FOXP1: variants seen among roughly 807,000 people sequenced by gnomAD.
The protein encoded by FOXP1 is forkhead box protein P1.
A neutral mutation model predicts 98.2 loss-of-function variants in FOXP1; 15 were observed. That is an observed-to-expected ratio of 0.15 (90% CI 0.10 to 0.24). The LOEUF (loss-of-function observed/expected upper bound fraction) is 0.24. Among genes scored for constraint, FOXP1 ranks in the 10% least tolerant of loss-of-function variants. The pLI, the probability that FOXP1 is intolerant of heterozygous loss-of-function variation, is 1.00. For missense variants in FOXP1, 633 were observed against 848.5 expected, an observed-to-expected ratio of 0.75 and a Z score of 3.15; for synonymous variants, 371 against 314.5, an observed-to-expected ratio of 1.18 and a Z score of -1.90.
At chr3:71,495,435 A>G (rs1365287089) in intron 2 of FOXP1, among the ~76,000 whole-genome samples, 1 of 152,194 alleles carries the variant, frequency 6.6e-6, no homozygotes, top group Non-Finnish European at 1.5e-5. Flanking sequence ...ATGCTCCAAA[A>G]TTTCAGAAAA....
chr3:71,480,531 G>A (rs1166124736), intron 3 of FOXP1, among the ~76,000 whole-genome samples: 3 of 152,152 alleles, frequency 2.0e-5, no homozygotes, highest in African/African-American at 4.8e-5. Context: ...AAAAAGAAGT[G>A]CCCTTAAGTG....
intron 4 of FOXP1, among the ~76,000 whole-genome samples, chr3:71,353,553 G>A (rs757976120): frequency 1.3e-5 from 2 of 151,970 alleles, no homozygotes; most frequent in African/African-American, 2.4e-5. Flanking sequence ...AAGGATATTA[G>A]TAACCACGTT....
At chr3:71,563,619 C>G (rs780597307) in intron 2 of FOXP1, among the ~76,000 whole-genome samples, 5 of 152,148 alleles carry the variant, frequency 3.3e-5, no homozygotes, top group Non-Finnish European at 7.3e-5. Flanking sequence ...AGTCTTGGGT[C>G]TTCAATATGT....
intron 10 of FOXP1, among the ~76,000 whole-genome samples, chr3:71,046,134 C>G (rs2049008166): frequency 6.6e-6 from 1 of 152,150 alleles, no homozygotes; most frequent in African/African-American, 2.4e-5. Flanking sequence ...ACCTTCCTTT[C>G]TAGTTCTGAA....
chr3:71,043,819 A>G (rs1416453732), intron 10 of FOXP1, among the ~76,000 whole-genome samples: 2 of 152,218 alleles, frequency 1.3e-5, no homozygotes, highest in African/African-American at 2.4e-5. Flanking sequence ...TCCAGCAAAT[A>G]AAGACAAAGA....
chr3:71,147,158 A>G (rs1238899166), intron 6 of FOXP1, among the ~76,000 whole-genome samples: 1 of 152,228 alleles, frequency 6.6e-6, no homozygotes, highest in Non-Finnish European at 1.5e-5. Flanking sequence ...CCAAGTAGGC[A>G]CAATTTTCCT....
chr3:71,309,401 T>A (rs972000853), intron 4 of FOXP1, among the ~76,000 whole-genome samples: 5 of 152,160 alleles, frequency 3.3e-5, no homozygotes, highest in Non-Finnish European at 2.9e-5. Flanking sequence ...AATTTTTTTT[T>A]TTTTTCTGAG....
At chr3:71,442,645 A>G (rs989430948) in intron 3 of FOXP1, among the ~76,000 whole-genome samples, 2 of 151,904 alleles carry the variant, frequency 1.3e-5, no homozygotes, top group Admixed American at 6.6e-5. Flanking sequence ...CCTCCATTCC[A>G]TGGTCTTGGT....
chr3:71,474,426 G>C (rs867102313), intron 3 of FOXP1, among the ~76,000 whole-genome samples: 4 of 152,126 alleles, frequency 2.6e-5, no homozygotes, highest in Admixed American at 6.5e-5. Context: ...CCTAGTTCAG[G>C]GGTCCCCAGT....
intron 11 of FOXP1, among the ~76,000 whole-genome samples, chr3:71,033,511 G>A (rs2047146029): frequency 6.7e-6 from 1 of 149,752 alleles, no homozygotes; most frequent in Non-Finnish European, 1.5e-5. Context: ...CTGTGTTATG[G>A]TAAAAGGCAC....
rs541498274 is a variant in FOXP1, at chr3:71,129,142, C to T, written c.181-16505G>A. ...TAGACTAAGATACCAAGAAAAGCAG[C>T]CCACTGTTCCCACACTGAGTTTTCG... On this transcript the variant is annotated intron_variant, in intron 6 of 20. Coordinates refer to ENST00000649528, the MANE Select transcript of FOXP1 (RefSeq NM_001349338.3). Among the ~76,000 whole-genome samples the T allele has an allele frequency of 2.0e-5, 3 of 152,250 alleles. No individual in the cohort carries two copies. In the South Asian group the frequency reaches 6.2e-4, roughly 32 times the overall value.
intron 10 of FOXP1, 114 bp from the exon 11 acceptor site, chr3:71,041,646 G>A: frequency 9.8e-7 from 1 of 1,023,694 alleles, no homozygotes; most frequent in Non-Finnish European, 1.5e-6. Context: ...GGGTTTTTCG[G>A]TGTGTGCAGT....
chr3:71,043,596 T>C (rs1431785769), intron 10 of FOXP1, among the ~76,000 whole-genome samples: 1 of 152,160 alleles, frequency 6.6e-6, no homozygotes, highest in Non-Finnish European at 1.5e-5. Flanking sequence ...CATACTGATA[T>C]AAAACCACAC....
At chr3:71,248,361 C>A (rs1195697297) in intron 5 of FOXP1, among the ~76,000 whole-genome samples, 3 of 152,112 alleles carry the variant, frequency 2.0e-5, no homozygotes, top group Non-Finnish European at 2.9e-5. Flanking sequence ...TCTCTTCCTG[C>A]TAATAATGGA....
At chr3:71,550,244 G>A (rs146867656) in intron 2 of FOXP1, among the ~76,000 whole-genome samples, 3 of 152,238 alleles carry the variant, frequency 2.0e-5, no homozygotes, top group African/African-American at 7.2e-5. Context: ...CAAGTAAAAC[G>A]ATTATAAATC....
chr3:70,960,435 G>C (rs550993713), intron 20 of FOXP1, among the ~76,000 whole-genome samples: 1 of 152,322 alleles, frequency 6.6e-6, no homozygotes, highest in South Asian at 2.1e-4. Flanking sequence ...GGGGACTGGG[G>C]TGATCACACA....
At chr3:71,473,608 G>A (rs1000227043) in intron 3 of FOXP1, among the ~76,000 whole-genome samples, 4 of 151,370 alleles carry the variant, frequency 2.6e-5, no homozygotes, top group African/African-American at 9.7e-5. Context: ...ATGTATAACT[G>A]CCCGCCACCT....
intron 3 of FOXP1, among the ~76,000 whole-genome samples, chr3:71,416,808 C>G (rs531733124): frequency 1.3e-5 from 2 of 150,844 alleles, no homozygotes; most frequent in Non-Finnish European, 3.0e-5. Flanking sequence ...AAAAAGGGGG[C>G]GGGGGTGGTG....
At position 71,136,819 on chromosome 3, in the gene FOXP1, C is replaced by CAA. The variant is rs34383910; in HGVS notation, c.181-24184_181-24183dup. 3.6e-3 allele frequency among the ~76,000 whole-genome samples: 532 copies of CAA among 149,102 alleles called. 1 individual carries two copies. The highest frequency in any genetic ancestry group is 8.5e-3 in the African/African-American group (346 of 40,900). ...ATTTTTCTTTCTCTGAGAAATACAA[C>CAA]AAAAAAAAAAGATTACTGGTGGAAA... is the stretch of plus-strand genomic sequence containing the variant. On this transcript the variant is annotated intron_variant, in intron 6 of 20. Transcript: ENST00000649528.
Sources: allele counts gnomAD v4.1 joint callset (sites outside exome capture counted in the v4.1 genomes callset), GRCh38; gene constraint gnomAD v4.1.1; transcripts MANE v1.5; gene names NCBI Gene and HGNC (gene_info 2026-07-23, HGNC 2026-07-21).